The following PTPRD variants were observed in gnomAD, a reference collection of about 807,000 sequenced individuals.
PTPRD encodes protein tyrosine phosphatase receptor type D.
Under a neutral mutation model 214.5 loss-of-function variants are expected in PTPRD, and 34 were observed. That is an observed-to-expected ratio of 0.16 (90% CI 0.12 to 0.21). The LOEUF (loss-of-function observed/expected upper bound fraction) is 0.21. PTPRD is among the 10% of genes least tolerant of loss of function. The pLI is 1.00. For synonymous variants in PTPRD, 1,128 were observed against 845.7 expected (o/e 1.33, Z -5.79); for missense variants, 2,545 against 2,398.7 (o/e 1.06, Z -1.27).
Position 8,561,447 on chromosome 9 carries a change from G to A in PTPRD, c.353-32668C>T, listed in dbSNP as rs144742366. 1.1e-4 allele frequency among the ~76,000 whole-genome samples: 17 copies of A among 152,084 alleles called. 1 individual carries two copies. Reference sequence around the variant, plus strand: ...CAGCCTACCCTCATTTTTCTTGGACGCAGGATAAGAGCTCAGGAACCCCCA... The same window carrying A: ...CAGCCTACCCTCATTTTTCTTGGACACAGGATAAGAGCTCAGGAACCCCCA... On this transcript the variant is annotated intron_variant, in intron 14 of 45. Coordinates refer to ENST00000381196, the MANE Select transcript of PTPRD (RefSeq NM_002839.4).
At chr9:9,801,566 C>T (rs1294036745) in intron 5 of PTPRD, among the ~76,000 whole-genome samples, 1 of 151,992 alleles carries the variant, frequency 6.6e-6, no homozygotes, top group Non-Finnish European at 1.5e-5. Context: ...ATTTCTGTGG[C>T]CACTGGAGAG....
chr9:9,279,113 T>C (rs1413587489), intron 9 of PTPRD, among the ~76,000 whole-genome samples: 1 of 151,088 alleles, frequency 6.6e-6, no homozygotes, highest in African/African-American at 2.4e-5. Context: ...GTCCATATTT[T>C]TGTGCCATGC....
intron 11 of PTPRD, among the ~76,000 whole-genome samples, chr9:8,870,714 A>ACACACACACACGCACG (rs1555457927): frequency 1.3e-5 from 2 of 149,978 alleles, no homozygotes; most frequent in East Asian, 2.0e-4. Flanking sequence ...ACACACACAC[A>ACACACACACACGCACG]CACACACACA....
chr9:8,601,493 G>T (rs2094860057), intron 14 of PTPRD, among the ~76,000 whole-genome samples: 1 of 152,120 alleles, frequency 6.6e-6, no homozygotes, highest in African/African-American at 2.4e-5. Flanking sequence ...GATGGCCACA[G>T]GGTTTTTTCT....
chr9:9,311,363 C>T (rs916881781), intron 9 of PTPRD, among the ~76,000 whole-genome samples: 1 of 152,092 alleles, frequency 6.6e-6, no homozygotes, highest in African/African-American at 2.4e-5. Context: ...ATATTATGTA[C>T]AGCTACCAGC....
At chr9:8,948,113 G>A (rs1308030660) in intron 11 of PTPRD, among the ~76,000 whole-genome samples, 6 of 150,398 alleles carry the variant, frequency 4.0e-5, no homozygotes, top group African/African-American at 1.5e-4. Context: ...TCTGCCTCCT[G>A]GGTTCGAGCG....
chr9:9,826,218 T>C (rs2153587986), intron 5 of PTPRD, among the ~76,000 whole-genome samples: 1 of 151,944 alleles, frequency 6.6e-6, no homozygotes, highest in South Asian at 2.1e-4. Context: ...TCTTAGTGCT[T>C]CATCCATCAG....
At chr9:8,351,615 G>T (rs1344915133) in intron 39 of PTPRD, among the ~76,000 whole-genome samples, 1 of 151,896 alleles carries the variant, frequency 6.6e-6, no homozygotes, top group Non-Finnish European at 1.5e-5. Context: ...AGAAGTCTGG[G>T]TGATGTTGGC....
chr9:10,130,945 C>T (rs1352931865), intron 3 of PTPRD, among the ~76,000 whole-genome samples: 1 of 151,846 alleles, frequency 6.6e-6, no homozygotes, highest in Non-Finnish European at 1.5e-5. Context: ...ACTGGGAGCA[C>T]AGAACATTCA....
At chr9:9,604,673 G>A (rs541958844) in intron 7 of PTPRD, among the ~76,000 whole-genome samples, 7 of 151,958 alleles carry the variant, frequency 4.6e-5, no homozygotes, top group East Asian at 1.9e-4. Flanking sequence ...TACATAGCTC[G>A]TTATGATTAC....
intron 5 of PTPRD, among the ~76,000 whole-genome samples, chr9:9,873,290 A>G (rs185489082): frequency 6.6e-6 from 1 of 152,164 alleles, no homozygotes; most frequent in South Asian, 2.1e-4. Context: ...TCAGTGGTGG[A>G]AACATTAGCC....
At chr9:9,913,890 G>C (rs2079926616) in intron 5 of PTPRD, among the ~76,000 whole-genome samples, 1 of 152,108 alleles carries the variant, frequency 6.6e-6, no homozygotes, top group Non-Finnish European at 1.5e-5. Context: ...CTCAAGATCA[G>C]AGCCACCTCT....
chr9:10,540,804 A>T (rs2058937487), intron 2 of PTPRD, among the ~76,000 whole-genome samples: 1 of 151,798 alleles, frequency 6.6e-6, no homozygotes, highest in Non-Finnish European at 1.5e-5. Context: ...GTGTAGACTC[A>T]GACTAGAACT....
At chr9:9,703,937 T>C (rs531501135) in intron 7 of PTPRD, among the ~76,000 whole-genome samples, 40 of 152,076 alleles carry the variant, frequency 2.6e-4, no homozygotes, top group Non-Finnish European at 5.6e-4. Context: ...CAGGCTGGAG[T>C]GCAGTGGCAT....
In PTPRD at chr9:9,532,514, T is replaced by A. The variant is rs909965449; in HGVS notation, c.-237+42218A>T. On this transcript the variant is annotated intron_variant, in intron 8 of 45. Coordinates refer to ENST00000381196, the MANE Select transcript of PTPRD (RefSeq NM_002839.4). Reference sequence around the variant, plus strand: ...GTCCCCACCCAGCTGGAAGCACAGATGTAACAGTGGTCAAAAGATTCTTCT... The same window carrying A: ...GTCCCCACCCAGCTGGAAGCACAGAAGTAACAGTGGTCAAAAGATTCTTCT... 3.3e-5 allele frequency among the ~76,000 whole-genome samples: 5 copies of A among 152,098 alleles called. No homozygotes were observed. The East Asian group carries it at 9.7e-4, about 29-fold the overall frequency.
intron 12 of PTPRD, among the ~76,000 whole-genome samples, chr9:8,639,877 G>C (rs1370371079): frequency 6.6e-6 from 1 of 152,172 alleles, no homozygotes; most frequent in Non-Finnish European, 1.5e-5. Flanking sequence ...GTGCCATTTC[G>C]ATGTTTTCCA....
At chr9:8,826,638 T>C (rs540890799) in intron 11 of PTPRD, among the ~76,000 whole-genome samples, 5 of 151,904 alleles carry the variant, frequency 3.3e-5, no homozygotes, top group South Asian at 2.1e-4. Context: ...CCATCTTTTT[T>C]TTTTTTTCTA....
intron 5 of PTPRD, among the ~76,000 whole-genome samples, chr9:9,834,583 G>C (rs2056156854): frequency 1.3e-5 from 2 of 151,998 alleles, no homozygotes; most frequent in Non-Finnish European, 2.9e-5. Context: ...TTATTTTACT[G>C]GTCCATCAGT....
At chr9:9,417,301 T>C (rs369312704) in intron 8 of PTPRD, among the ~76,000 whole-genome samples, 3 of 152,226 alleles carry the variant, frequency 2.0e-5, no homozygotes, top group East Asian at 3.9e-4. Flanking sequence ...TAAATTCAGA[T>C]TGATATAGAT....
Sources: allele counts gnomAD v4.1 joint callset (sites outside exome capture counted in the v4.1 genomes callset), GRCh38; gene constraint gnomAD v4.1.1; transcripts MANE v1.5; gene names NCBI Gene and HGNC (gene_info 2026-07-23, HGNC 2026-07-21).